Variants in SEPTIN9 observed in about 807,000 individuals in gnomAD.
SEPTIN9 encodes septin-9.
A neutral mutation model predicts 56.6 loss-of-function variants in SEPTIN9; 13 were observed. The observed-to-expected ratio is 0.23, with a 90% CI of 0.15 to 0.37. The LOEUF is 0.37. Ranked by LOEUF, SEPTIN9 falls within the 10% of genes least tolerant of loss-of-function variation. The pLI is 1.00. For synonymous variants in SEPTIN9, 332 were observed against 334.1 expected (o/e 0.99, Z 0.07); for missense variants, 650 against 823.1 (o/e 0.79, Z 2.57).
At position 77,456,806 on chromosome 17, in the gene SEPTIN9, G is replaced by T. The variant is rs2038224342; in HGVS notation, c.722-25338G>T. Among the ~76,000 whole-genome samples the T allele has an allele frequency of 6.6e-6, 1 of 151,440 alleles. No individual in the cohort carries two copies. The highest frequency in any genetic ancestry group is 2.1e-4 in the South Asian group (1 of 4,780). On this transcript the variant is annotated intron_variant, in intron 3 of 11. Coordinates refer to ENST00000427177, the MANE Select transcript of SEPTIN9 (RefSeq NM_001113491.2). The surrounding 1 kb of genome is among the most constrained non-coding windows in gnomAD (Gnocchi z 6.0). ...CCAGTACCAGGTCTCAGGGACCAGC[G>T]CTGGGTCCCCACAGCCAAGGACAAG...
intron 2 of SEPTIN9, among the ~76,000 whole-genome samples, chr17:77,331,169 A>G (rs1218572230): frequency 6.6e-6 from 1 of 152,232 alleles, no homozygotes; most frequent in African/African-American, 2.4e-5. Flanking sequence ...AGGCTGGGCA[A>G]CATAGCAAGG....
chr17:77,401,256 C>A (rs1309820898), intron 2 of SEPTIN9, among the ~76,000 whole-genome samples: 4 of 152,192 alleles, frequency 2.6e-5, no homozygotes, highest in Admixed American at 1.3e-4. Context: ...CTCGCCGGCA[C>A]TGAAAGCTCC....
Position 77,289,071 on chromosome 17 carries a change from G to A in SEPTIN9, c.19+7517G>A, listed in dbSNP as rs549529574. ...AACTGCCGGGACTTTGTATTATGCC[G>A]CTTCTTTTTTTTGTTTTGTTTGGTT... is the stretch of plus-strand genomic sequence containing the variant. On this transcript the variant is annotated intron_variant, in intron 1 of 11. Coordinates refer to ENST00000427177, the MANE Select transcript of SEPTIN9 (RefSeq NM_001113491.2). Among the ~76,000 whole-genome samples, 8 of 152,188 alleles carry A rather than the reference G, an allele frequency of 5.3e-5. No homozygotes were observed. The East Asian group carries it at 1.5e-3, about 29-fold the overall frequency.
intron 1 of SEPTIN9, among the ~76,000 whole-genome samples, chr17:77,299,415 C>T (rs1247606055): frequency 6.6e-6 from 1 of 152,172 alleles, no homozygotes; most frequent in Non-Finnish European, 1.5e-5. Flanking sequence ...AAAAATGATT[C>T]ATTGTTTGCT....
chr17:77,492,878 T>G lies in SEPTIN9; in HGVS notation c.1477-102T>G. The G allele has an allele frequency of 3.2e-6, 4 of 1,268,612 alleles. No homozygotes were observed. The highest frequency in any genetic ancestry group is 4.5e-6 in the Non-Finnish European group (4 of 882,406). The allele number at this position is 1,268,612 out of a possible 1,614,324, so 78.6% of individuals were successfully genotyped here. A position where few individuals can be genotyped will look rare whatever the true frequency, so the allele number is the denominator to read the frequency against. On this transcript the variant is annotated intron_variant, in intron 9 of 11. Coordinates refer to ENST00000427177, the MANE Select transcript of SEPTIN9 (RefSeq NM_001113491.2). The surrounding 1 kb of genome is among the most constrained non-coding windows in gnomAD (Gnocchi z 5.4). ...CAGTGCTGTCAGGCTGAGGCTCTCG[T>G]TTTTGGGGGACCCCAGGCTCAGGGC...
intron 2 of SEPTIN9, among the ~76,000 whole-genome samples, chr17:77,308,546 T>C (rs1206640102): frequency 6.6e-6 from 1 of 152,262 alleles, no homozygotes; most frequent in African/African-American, 2.4e-5. Flanking sequence ...TATAAATGTT[T>C]ACGTTTACTT....
intron 1 of SEPTIN9, chr17:77,288,074 A>C: frequency 9.4e-7 from 1 of 1,063,554 alleles, no homozygotes; most frequent in Non-Finnish European, 1.1e-6. Flanking sequence ...GGGGGCACGG[A>C]GGGCCAGAAA....
At chr17:77,284,884 T>C (rs1234961139) in intron 1 of SEPTIN9, among the ~76,000 whole-genome samples, 1 of 152,174 alleles carries the variant, frequency 6.6e-6, no homozygotes. Context: ...TGCCTTGGCC[T>C]CCCAAAGTGC....
chr17:77,400,331 C>T lies in SEPTIN9; in HGVS notation c.77-1728C>T, dbSNP rs563840307. 6.6e-5 allele frequency among the ~76,000 whole-genome samples: 10 copies of T among 152,302 alleles called. No individual in the cohort carries two copies. The highest frequency in any genetic ancestry group is 3.3e-4 in the Admixed American group (5 of 15,304). On this transcript the variant is annotated intron_variant, in intron 2 of 11. Coordinates refer to ENST00000427177, the MANE Select transcript of SEPTIN9 (RefSeq NM_001113491.2). This position sits in a 1 kb window ranked among gnomAD's most constrained non-coding sequence, Gnocchi z 4.1. ...GGGCCCATATCCTCTAGGGCAGTGA[C>T]GGAGCTGAGACAGGGCCTGTGACAA...
chr17:77,428,547 C>G (rs1025815866), intron 3 of SEPTIN9, among the ~76,000 whole-genome samples: 1 of 152,228 alleles, frequency 6.6e-6, no homozygotes, highest in African/African-American at 2.4e-5. Flanking sequence ...GTCACAGGCT[C>G]GGCAGATGTT....
intron 2 of SEPTIN9, among the ~76,000 whole-genome samples, chr17:77,309,001 G>A (rs1018331318): frequency 1.3e-5 from 2 of 152,278 alleles, no homozygotes; most frequent in Non-Finnish European, 2.9e-5. Context: ...TCGCAGTCAT[G>A]TTGGGCACTA....
chr17:77,498,511 C>G lies in SEPTIN9; in HGVS notation c.1626-12C>G, dbSNP rs762443767. The stretch of plus-strand genomic sequence containing the variant: ...CCCACCTCACTGACCCGCCCGCCCC[C>G]CACCCCCACAGGACGCACATGCAGA... On this transcript the variant is annotated splice_polypyrimidine_tract_variant and intron_variant, in intron 11 of 11. Transcript: ENST00000427177. 2 of 515,844 alleles carry G rather than the reference C, an allele frequency of 3.9e-6. No homozygotes were observed. The highest frequency in any genetic ancestry group is 7.3e-6 in the Non-Finnish European group (2 of 275,548). The allele number at this position is 515,844 out of a possible 1,614,324, so 32.0% of individuals were successfully genotyped here.
chr17:77,364,864 G>A (rs952746617), intron 2 of SEPTIN9, among the ~76,000 whole-genome samples: 1 of 152,238 alleles, frequency 6.6e-6, no homozygotes. Context: ...CAGCTTCCAG[G>A]GACAGTCTCA....
intron 2 of SEPTIN9, among the ~76,000 whole-genome samples, chr17:77,361,644 T>C (rs966423155): frequency 1.3e-5 from 2 of 152,116 alleles, no homozygotes; most frequent in Admixed American, 6.5e-5. Context: ...CTTTTCTTTT[T>C]TTTTTTGAGA....
intron 3 of SEPTIN9, among the ~76,000 whole-genome samples, chr17:77,460,733 G>C (rs1036612571): frequency 6.6e-6 from 1 of 152,178 alleles, no homozygotes; most frequent in South Asian, 2.1e-4. Flanking sequence ...GGGCCTGCCA[G>C]GCCAGGGTCC....
chr17:77,351,730 T>C (rs779241069), intron 2 of SEPTIN9, among the ~76,000 whole-genome samples: 4 of 152,184 alleles, frequency 2.6e-5, no homozygotes, highest in Admixed American at 6.5e-5. Flanking sequence ...GTGCAGGGGC[T>C]GATGAAGTCA....
At chr17:77,391,719 G>A (rs1331785119) in intron 2 of SEPTIN9, among the ~76,000 whole-genome samples, 3 of 152,220 alleles carry the variant, frequency 2.0e-5, no homozygotes, top group South Asian at 2.1e-4. Context: ...AGATTCTGGA[G>A]GTTCCTTGTA....
intron 10 of SEPTIN9, among the ~76,000 whole-genome samples, chr17:77,495,985 C>T (rs2040240468): frequency 6.6e-6 from 1 of 151,918 alleles, no homozygotes. Flanking sequence ...AGACACAGTT[C>T]TTGCGTTCTC....
chr17:77,394,913 T>C (rs1415983658), intron 2 of SEPTIN9, among the ~76,000 whole-genome samples: 1 of 152,110 alleles, frequency 6.6e-6, no homozygotes, highest in Non-Finnish European at 1.5e-5. Context: ...GTGGCCTCTT[T>C]TTGTGTAGCA....
Sources: allele counts gnomAD v4.1 joint callset (sites outside exome capture counted in the v4.1 genomes callset), GRCh38; gene constraint gnomAD v4.1.1; non-coding constraint Gnocchi (gnomAD v3.1); transcripts MANE v1.5; gene names NCBI Gene and HGNC (gene_info 2026-07-23, HGNC 2026-07-21).